KLRG2: variants seen among roughly 807,000 people sequenced by gnomAD.
KLRG2 encodes the protein killer cell lectin-like receptor subfamily G member 2.
KLRG2 carries 39 observed loss-of-function variants against 35.4 expected under a neutral mutation model. That is an observed-to-expected ratio of 1.10 (90% CI 0.85 to 1.44). The LOEUF (loss-of-function observed/expected upper bound fraction) is 1.44, where lower values mean the gene tolerates loss of function less well. Among genes scored for constraint, KLRG2 ranks in the 40% most tolerant of loss-of-function variants. The pLI is 0.00. For missense variants in KLRG2, 632 were observed against 570.9 expected (o/e 1.11, Z -1.09); for synonymous variants, 283 against 265.8 (o/e 1.06, Z -0.63).
intron 3 of KLRG2, among the ~76,000 whole-genome samples, chr7:139,460,988 G>A (rs1390250624): frequency 1.3e-5 from 2 of 150,182 alleles, no homozygotes; most frequent in Admixed American, 6.6e-5. Context: ...GAGGTTGGGC[G>A]AGGGGGCTCA....
chr7:139,480,114 G>C, intron 2 of KLRG2, 32 bp downstream of exon 2: 1 of 1,394,694 alleles, frequency 7.2e-7, no homozygotes, highest in South Asian at 1.2e-5. Context: ...GAGCGGCAGG[G>C]AGAGGGGATG....
At chr7:139,432,658 C>CG in the KLRG2 span, among the ~76,000 whole-genome samples, 1 of 150,774 alleles carries the variant, frequency 6.6e-6, no homozygotes, top group African/African-American at 2.4e-5. Context: ...TGGGTTCAAG[C>CG]GCCACATCTG....
intron 3 of KLRG2, among the ~76,000 whole-genome samples, chr7:139,476,264 G>A (rs776733804): frequency 1.3e-5 from 2 of 152,226 alleles, no homozygotes; most frequent in East Asian, 1.9e-4. Context: ...TGAAACCAAC[G>A]AAAAGACATG....
At chr7:139,444,122 T>A in the KLRG2 span, among the ~76,000 whole-genome samples, 1 of 152,016 alleles carries the variant, frequency 6.6e-6, no homozygotes, top group Admixed American at 6.6e-5. Context: ...CTTTCCAACT[T>A]CTTCTGCCTT....
chr7:139,452,168 C>G (rs1351738882), downstream of KLRG2, among the ~76,000 whole-genome samples: 6 of 152,046 alleles, frequency 3.9e-5, no homozygotes, highest in African/African-American at 1.4e-4. Context: ...CAGGGTTTCA[C>G]CATGTTGGCC....
At chr7:139,465,245 G>A (rs955644444) in intron 3 of KLRG2, among the ~76,000 whole-genome samples, 4 of 152,292 alleles carry the variant, frequency 2.6e-5, no homozygotes, top group African/African-American at 7.2e-5. Flanking sequence ...AAAGGACTAC[G>A]CATCGATATT....
chr7:139,435,905 A>ATT, the KLRG2 span, among the ~76,000 whole-genome samples: 2,712 of 145,044 alleles, frequency 0.019, 79 homozygotes, highest in African/African-American at 0.06. Flanking sequence ...AGGGCCTGTA[A>ATT]TTTTTTTTTT....
intron 3 of KLRG2, among the ~76,000 whole-genome samples, chr7:139,459,913 G>T (rs971615111): frequency 6.6e-6 from 1 of 152,110 alleles, no homozygotes; most frequent in African/African-American, 2.4e-5. Flanking sequence ...CACCACACTG[G>T]CTAATTTTTT....
chr7:139,443,407 T>G, the KLRG2 span, among the ~76,000 whole-genome samples: 2 of 151,912 alleles, frequency 1.3e-5, no homozygotes, highest in Admixed American at 6.6e-5. Flanking sequence ...TTTAAAGAAA[T>G]AAAATAAGGC....
chr7:139,447,170 T>G, the KLRG2 span, among the ~76,000 whole-genome samples: 5 of 151,986 alleles, frequency 3.3e-5, no homozygotes, highest in Admixed American at 2.0e-4. Flanking sequence ...TTGAAAGAGA[T>G]AGTTTCAGAT....
the KLRG2 span, among the ~76,000 whole-genome samples, chr7:139,438,107 C>T: frequency 1.1e-4 from 17 of 152,318 alleles, no homozygotes; most frequent in East Asian, 5.8e-4. Context: ...GAAGGACACA[C>T]GGAACAGGGC....
chr7:139,464,850 C>T (rs1010004929), intron 3 of KLRG2, among the ~76,000 whole-genome samples: 7 of 152,266 alleles, frequency 4.6e-5, no homozygotes, highest in Non-Finnish European at 7.3e-5. Flanking sequence ...CTACAGTTCT[C>T]ATAACTTCCA....
At chr7:139,437,053 GAA>G in the KLRG2 span, among the ~76,000 whole-genome samples, 1 of 152,308 alleles carries the variant, frequency 6.6e-6, no homozygotes, top group South Asian at 2.1e-4. Flanking sequence ...TGTGAAGTGG[GAA>G]ATGCCATCTG....
At chr7:139,481,212 G>A (rs947000939) in intron 1 of KLRG2, among the ~76,000 whole-genome samples, 2 of 152,152 alleles carry the variant, frequency 1.3e-5, no homozygotes, top group African/African-American at 4.8e-5. Context: ...CCCCCAGAAA[G>A]GAATGCAGCC....
At chr7:139,455,522 C>T (rs563681270) in intron 3 of KLRG2, among the ~76,000 whole-genome samples, 14 of 151,724 alleles carry the variant, frequency 9.2e-5, no homozygotes, top group African/African-American at 2.9e-4. Flanking sequence ...GGGGTTTCAC[C>T]GTGTTAGCCA....
chr7:139,478,243 G>A (rs890795372), intron 3 of KLRG2, among the ~76,000 whole-genome samples: 3 of 151,818 alleles, frequency 2.0e-5, no homozygotes, highest in Non-Finnish European at 2.9e-5. Flanking sequence ...GCACATGACT[G>A]TAGTCCTTGC....
chr7:139,456,760 T>C (rs1240172302), intron 3 of KLRG2, among the ~76,000 whole-genome samples: 1 of 152,220 alleles, frequency 6.6e-6, no homozygotes, highest in Non-Finnish European at 1.5e-5. Flanking sequence ...TAGCTGGGAC[T>C]GCTGGTGCGT....
At chr7:139,435,905 A>ATTT in the KLRG2 span, among the ~76,000 whole-genome samples, 6 of 145,080 alleles carry the variant, frequency 4.1e-5, no homozygotes, top group Admixed American at 1.4e-4. Flanking sequence ...AGGGCCTGTA[A>ATTT]TTTTTTTTTT....
chr7:139,454,150 C>G lies in KLRG2; in HGVS notation c.1070G>C (p.Gly357Ala). ...TGGGGCCTCGTCGATCCAGTGCCAG[C>G]CCTGGGGGCCTCGCCAGGCCCCCAC... ...SWVGAWRGPQ[G>A]WHWIDEAPLP... Residue 357 changes from glycine to alanine, a missense_variant, in exon 4 of 5, where the codon GGC becomes GCC. Physicochemically the swap from Gly to Ala is moderately conservative, Grantham distance 60. Transcript: ENST00000340940. 6.5e-7 allele frequency: 1 copy of G among 1,546,294 alleles called. No homozygotes were observed. Among genetic ancestry groups the G allele is most frequent in the Non-Finnish European group, 8.7e-7 (1 of 1,144,544 alleles).
Sources: gnomAD v4.1 joint callset for allele counts (sites outside exome capture counted in the v4.1 genomes callset) on GRCh38, gnomAD v4.1.1 for gene constraint, MANE v1.5 for transcripts, NCBI Gene and HGNC (gene_info 2026-07-23, HGNC 2026-07-21) for gene names.